ZFHX3: variants seen among roughly 807,000 people sequenced by gnomAD.
ZFHX3 encodes the protein zinc finger homeobox 3.
Under a neutral mutation model 279.1 loss-of-function variants are expected in ZFHX3, and 42 were observed. That is an observed-to-expected ratio of 0.15 (90% CI 0.12 to 0.19). ZFHX3 has a LOEUF of 0.19. ZFHX3 is among the 10% of genes least tolerant of loss of function. ZFHX3 has a pLI of 1.00. For synonymous variants in ZFHX3, 2,293 were observed against 1,957.8 expected, an observed-to-expected ratio of 1.17 and a Z score of -4.52; for missense variants, 4,981 against 4,754.0, an observed-to-expected ratio of 1.05 and a Z score of -1.40.
intron 4 of ZFHX3, among the ~76,000 whole-genome samples, chr16:72,839,899 G>A (rs2037302526): frequency 6.6e-6 from 1 of 152,272 alleles, no homozygotes; most frequent in Non-Finnish European, 1.5e-5. Context: ...CATTCCAGGT[G>A]TGAGGCTGAG....
chr16:72,993,314 A>G (rs1286847209), intron 1 of ZFHX3, among the ~76,000 whole-genome samples: 2 of 152,342 alleles, frequency 1.3e-5, no homozygotes, highest in African/African-American at 4.8e-5. Context: ...ATGCCAGGCC[A>G]TGTGGTCTAT....
At chr16:73,865,902 G>A (rs1288086019) in intron 1 of ZFHX3, among the ~76,000 whole-genome samples, 1 of 151,998 alleles carries the variant, frequency 6.6e-6, no homozygotes, top group Admixed American at 6.6e-5. Context: ...GGAGAATGGT[G>A]TGAACCCGGG....
chr16:73,479,991 T>G (rs1207702577), intron 2 of ZFHX3, among the ~76,000 whole-genome samples: 1 of 152,226 alleles, frequency 6.6e-6, no homozygotes, highest in African/African-American at 2.4e-5. Flanking sequence ...CTGCTGTGAT[T>G]GGCAGTCGTG....
In ZFHX3 at chr16:72,785,228, T is replaced by C. The variant is rs1255772753; in HGVS notation, c.*1936A>G. The C allele has an allele frequency of 6.5e-6, 1 of 152,672 alleles. No individual in the cohort carries two copies. The highest frequency in any genetic ancestry group is 2.4e-5 in the African/African-American group (1 of 41,452). The allele number at this position is 152,672 out of a possible 1,614,324, so 9.5% of individuals were successfully genotyped here. A position where few individuals can be genotyped will look rare whatever the true frequency, so the allele number is the denominator to read the frequency against. ...AAGTTTTCAAAGTTCAGACCATTTA[T>C]TTATTTTTCTTTTTACATGAGAAAG... On this transcript the variant is annotated 3_prime_UTR_variant, in exon 10 of 10. Coordinates refer to ENST00000268489, the MANE Select transcript of ZFHX3 (RefSeq NM_006885.4).
chr16:72,850,360 C>T (rs1404457916), intron 4 of ZFHX3, among the ~76,000 whole-genome samples: 2 of 152,250 alleles, frequency 1.3e-5, no homozygotes, highest in East Asian at 1.9e-4. Context: ...ACAGGACGAA[C>T]GACCATCCCA....
chr16:73,830,923 G>A lies in ZFHX3; in HGVS notation c.-1608+60728C>T, dbSNP rs547271906. ...GACAAGACAGCAAACTGTGCTCACTGTTCCCAAGTCCACCACATCAATTGC... is the reference window on the plus strand; with the variant it reads ...GACAAGACAGCAAACTGTGCTCACTATTCCCAAGTCCACCACATCAATTGC... On this transcript the variant is annotated intron_variant, in intron 1 of 17. Transcript: ENST00000641206. 7.1e-4 allele frequency among the ~76,000 whole-genome samples: 108 copies of A among 152,286 alleles called. 1 individual carries two copies. Among genetic ancestry groups the A allele is most frequent in the African/African-American group, 2.4e-3 (99 of 41,560 alleles).
intron 8 of ZFHX3, among the ~76,000 whole-genome samples, chr16:73,073,307 C>T (rs933375471): frequency 6.6e-6 from 1 of 152,196 alleles, no homozygotes; most frequent in Non-Finnish European, 1.5e-5. Flanking sequence ...CCTGTTCCTT[C>T]AGCAAAGTAT....
rs112835438 is a variant in ZFHX3 at position 73,074,370 on chromosome 16, A to C, written c.-532-15358T>G. Among the ~76,000 whole-genome samples, 548 of 152,304 alleles carry C rather than the reference A, an allele frequency of 3.6e-3. 4 individuals carry two copies. Among genetic ancestry groups the C allele is most frequent in the African/African-American group, 0.013 (520 of 41,570 alleles). On this transcript the variant is annotated intron_variant, in intron 8 of 17. Transcript: ENST00000641206. ...TACGGAAACCAAAATAATAGCAACA[A>C]GATCCATTTGTTTCACTACAGAATA...
chr16:73,743,390 T>C (rs1186371476), intron 1 of ZFHX3, among the ~76,000 whole-genome samples: 1 of 152,204 alleles, frequency 6.6e-6, no homozygotes, highest in Non-Finnish European at 1.5e-5. Flanking sequence ...ACACAATACT[T>C]ATACATATAT....
intron 6 of ZFHX3, among the ~76,000 whole-genome samples, chr16:73,132,995 A>G (rs1966720374): frequency 6.6e-6 from 1 of 152,180 alleles, no homozygotes; most frequent in Admixed American, 6.5e-5. Context: ...TCTGAGTGGA[A>G]GGCCAGCTGC....
In ZFHX3 at chr16:73,127,680, C is replaced by T. The variant is rs182461651; in HGVS notation, c.-897+3288G>A. 2.8e-5 allele frequency: 33 copies of T among 1,180,976 alleles called. No individual in the cohort carries two copies. In the East Asian group the frequency reaches 1.1e-3, roughly 40 times the overall value. The allele number at this position is 1,180,976 out of a possible 1,614,324, so 73.2% of individuals were successfully genotyped here. On this transcript the variant is annotated intron_variant, in intron 7 of 17. Coordinates refer to the ZFHX3 transcript ENST00000641206. ...TGATTAATTAGTTCATTTAAAACCC[C>T]GATGCTTTTTCCTGAACCTCACTCA...
At chr16:73,247,644 A>T (rs923802707) in intron 5 of ZFHX3, among the ~76,000 whole-genome samples, 43 of 146,692 alleles carry the variant, frequency 2.9e-4, no homozygotes, top group Non-Finnish European at 1.2e-4. Flanking sequence ...TTCATATACT[A>T]TGTATATAAT....
chr16:73,570,626 G>A (rs934204224), intron 2 of ZFHX3, among the ~76,000 whole-genome samples: 1 of 152,072 alleles, frequency 6.6e-6, no homozygotes, highest in African/African-American at 2.4e-5. Context: ...AGTTTCTTGG[G>A]CATGAGCTTG....
rs550828655 is a variant in ZFHX3 at position 73,099,644 on chromosome 16, G to A, written c.-896-6046C>T. On this transcript the variant is annotated intron_variant, in intron 7 of 17. Transcript: ENST00000641206. ...GAGAATAGCTTGAACCCTGGAGGCA[G>A]AGGTTGCAGTGAGCCGAGATCACAC... Among the ~76,000 whole-genome samples, 93 of 149,792 alleles carry A rather than the reference G, an allele frequency of 6.2e-4. 1 individual carries two copies. Among genetic ancestry groups the A allele is most frequent in the African/African-American group, 2.1e-3 (85 of 40,680 alleles).
At chr16:72,987,071 G>A (rs1962879648) in intron 1 of ZFHX3, among the ~76,000 whole-genome samples, 1 of 152,210 alleles carries the variant, frequency 6.6e-6, no homozygotes. Flanking sequence ...AGAATCACCA[G>A]AGTCCAGGAG....
chr16:73,244,182 G>T (rs139616046), intron 5 of ZFHX3, among the ~76,000 whole-genome samples: 1 of 152,162 alleles, frequency 6.6e-6, no homozygotes, highest in Non-Finnish European at 1.5e-5. Context: ...ATCGGAGGAG[G>T]GTTTTTGGGA....
At chr16:72,854,934 T>TGGGG (rs1407142094) in intron 4 of ZFHX3, among the ~76,000 whole-genome samples, 1 of 7,000 alleles carries the variant, frequency 1.4e-4, no homozygotes, top group Non-Finnish European at 2.7e-4. Context: ...CACAAATTGG[T>TGGGG]GGGTGGGGGG....
At chr16:73,222,103 A>G (rs2012440284) in intron 5 of ZFHX3, among the ~76,000 whole-genome samples, 1 of 152,028 alleles carries the variant, frequency 6.6e-6, no homozygotes, top group African/African-American at 2.4e-5. Context: ...TCATACTCCT[A>G]TAATACTGCT....
At chr16:73,296,253 A>G (rs977673524) in intron 4 of ZFHX3, among the ~76,000 whole-genome samples, 1 of 152,250 alleles carries the variant, frequency 6.6e-6, no homozygotes, top group Non-Finnish European at 1.5e-5. Context: ...TCTCTCATTT[A>G]AAAACATCAC....
Sources: gnomAD v4.1 joint callset for allele counts (sites outside exome capture counted in the v4.1 genomes callset) on GRCh38, gnomAD v4.1.1 for gene constraint, MANE v1.5 for transcripts, NCBI Gene and HGNC (gene_info 2026-07-23, HGNC 2026-07-21) for gene names.